Variants in NAALADL2 observed in about 807,000 individuals in gnomAD.
The protein encoded by NAALADL2 is N-acetylated alpha-linked acidic dipeptidase like 2.
Under a neutral mutation model 87.2 loss-of-function variants are expected in NAALADL2, and 76 were observed. That is an observed-to-expected ratio of 0.87 (90% CI 0.72 to 1.05). NAALADL2 has a LOEUF of 1.05. Ranked by LOEUF, NAALADL2 falls within the 50% of genes least tolerant of loss-of-function variation. NAALADL2 has a pLI of 0.00. For synonymous variants in NAALADL2, 354 were observed against 331.0 expected (o/e 1.07, Z -0.75); for missense variants, 1,089 against 945.8 (o/e 1.15, Z -1.99).
At position 174,662,594 on chromosome 3, in the gene NAALADL2, C is replaced by T. The variant is rs1054888934; in HGVS notation, c.-114-75047C>T. Among the ~76,000 whole-genome samples, 6 of 151,188 alleles carry T rather than the reference C, an allele frequency of 4.0e-5. No homozygotes were observed. The South Asian group carries it at 8.3e-4, about 21-fold the overall frequency. ...ACTTGATCAGAGTTAATAAAAGCATCCTTGTTGAAAGAAAAGTTAGGAATA... is the reference window on the plus strand; with the variant it reads ...ACTTGATCAGAGTTAATAAAAGCATTCTTGTTGAAAGAAAAGTTAGGAATA... On this transcript the variant is annotated intron_variant, in intron 2 of 3. Transcript: ENST00000434257.
chr3:175,674,359 G>A (rs1202121582), intron 11 of NAALADL2, among the ~76,000 whole-genome samples: 2 of 151,162 alleles, frequency 1.3e-5, no homozygotes, highest in African/African-American at 2.4e-5. Context: ...TCCCGGGTTC[G>A]CGCCATTCTC....
chr3:175,356,535 A>T (rs1383928031), intron 5 of NAALADL2, among the ~76,000 whole-genome samples: 1 of 150,560 alleles, frequency 6.6e-6, no homozygotes, highest in South Asian at 2.1e-4. Flanking sequence ...TGATCACACC[A>T]CTCTACTCCA....
chr3:175,284,285 T>G (rs1754706836), intron 4 of NAALADL2, among the ~76,000 whole-genome samples: 1 of 151,956 alleles, frequency 6.6e-6, no homozygotes, highest in Non-Finnish European at 1.5e-5. Context: ...GCTGCCTTTC[T>G]TGGTCCTCCT....
chr3:174,818,229 G>A (rs1476110879), intron 3 of NAALADL2, among the ~76,000 whole-genome samples: 1 of 152,130 alleles, frequency 6.6e-6, no homozygotes, highest in Non-Finnish European at 1.5e-5. Context: ...AGGGGGGACA[G>A]GTGCCATTTC....
intron 10 of NAALADL2, among the ~76,000 whole-genome samples, chr3:175,614,038 G>A (rs1338470825): frequency 6.6e-6 from 1 of 152,034 alleles, no homozygotes; most frequent in African/African-American, 2.4e-5. Context: ...TCACAAAGTA[G>A]GCATGCCAGA....
chr3:174,900,906 A>G (rs914718038), intron 1 of NAALADL2, among the ~76,000 whole-genome samples: 35 of 152,050 alleles, frequency 2.3e-4, no homozygotes, highest in Admixed American at 2.3e-3. Context: ...CTTTGTCATG[A>G]CTCTTTAACC....
At chr3:174,876,857 A>G (rs1326817037) in intron 1 of NAALADL2, among the ~76,000 whole-genome samples, 1 of 151,390 alleles carries the variant, frequency 6.6e-6, no homozygotes, top group East Asian at 1.9e-4. Context: ...GGTTTAAACA[A>G]TAGATATTTA....
intron 6 of NAALADL2, among the ~76,000 whole-genome samples, chr3:175,454,253 T>C (rs1444930548): frequency 2.6e-5 from 4 of 152,032 alleles, no homozygotes; most frequent in Non-Finnish European, 4.4e-5. Context: ...TTCCTTGAGG[T>C]TTATTTTTTC....
intron 3 of NAALADL2, among the ~76,000 whole-genome samples, chr3:174,786,426 G>A (rs1480588790): frequency 6.9e-6 from 1 of 145,090 alleles, no homozygotes; most frequent in Admixed American, 7.1e-5. Context: ...ACTCCAGCCT[G>A]GGTGACAGAG....
At chr3:174,985,594 CAGA>C (rs1248734752) in intron 1 of NAALADL2, among the ~76,000 whole-genome samples, 25 of 152,186 alleles carry the variant, frequency 1.6e-4, no homozygotes, top group Non-Finnish European at 3.5e-4. Context: ...ATAATAAAAG[CAGA>C]AGGCCATCAA....
At chr3:175,184,932 A>G (rs1329615051) in intron 2 of NAALADL2, among the ~76,000 whole-genome samples, 1 of 152,074 alleles carries the variant, frequency 6.6e-6, no homozygotes, top group African/African-American at 2.4e-5. Context: ...ATAATAGTTT[A>G]TTGTCATTTA....
intron 11 of NAALADL2, among the ~76,000 whole-genome samples, chr3:175,715,245 A>T (rs892282312): frequency 6.6e-6 from 1 of 152,154 alleles, no homozygotes; most frequent in Non-Finnish European, 1.5e-5. Context: ...ACTGGCTGCT[A>T]CACCATTGTT....
Position 175,625,323 on chromosome 3 carries a change from C to T in NAALADL2, c.1801-1968C>T, listed in dbSNP as rs1042225301. On this transcript the variant is annotated intron_variant, in intron 10 of 13. Transcript: ENST00000454872. ...GTTATTACCTTTTTCCTCTGTCCAG[C>T]GTATTATGAATGTCAGTGCCATTCA... Among the ~76,000 whole-genome samples the T allele has an allele frequency of 5.9e-5, 9 of 151,908 alleles. No individual in the cohort carries two copies. In the South Asian group the frequency reaches 1.7e-3, roughly 28 times the overall value.
chr3:174,882,684 T>C (rs573106466), intron 1 of NAALADL2, among the ~76,000 whole-genome samples: 4 of 137,290 alleles, frequency 2.9e-5, no homozygotes, highest in Non-Finnish European at 4.7e-5. Flanking sequence ...TGTGTATATG[T>C]GTATCCGTGT....
chr3:174,557,086 T>A (rs1179506746), intron 2 of NAALADL2, among the ~76,000 whole-genome samples: 2 of 152,320 alleles, frequency 1.3e-5, no homozygotes, highest in East Asian at 3.9e-4. Context: ...TGACAACATG[T>A]AATTGCTATA....
intron 1 of NAALADL2, among the ~76,000 whole-genome samples, chr3:174,956,166 C>T (rs1028732037): frequency 1.3e-5 from 2 of 151,640 alleles, no homozygotes; most frequent in African/African-American, 4.9e-5. Flanking sequence ...CAGAAGATCA[C>T]AACTGGATAG....
At chr3:175,188,380 C>T (rs1319928409) in intron 2 of NAALADL2, among the ~76,000 whole-genome samples, 1 of 152,122 alleles carries the variant, frequency 6.6e-6, no homozygotes, top group Non-Finnish European at 1.5e-5. Context: ...TGGTATGACA[C>T]CCCACCCCCG....
At chr3:175,393,861 T>C (rs147111477) in intron 5 of NAALADL2, among the ~76,000 whole-genome samples, 294 of 152,336 alleles carry the variant, frequency 1.9e-3, no homozygotes, top group African/African-American at 6.8e-3. Context: ...TTGGTAGCTA[T>C]GTCTTCAACC....
At chr3:175,285,932 A>G (rs1395859998) in intron 4 of NAALADL2, among the ~76,000 whole-genome samples, 1 of 152,184 alleles carries the variant, frequency 6.6e-6, no homozygotes, top group Non-Finnish European at 1.5e-5. Context: ...TATTATCCAG[A>G]ATATACTATG....
Sources: allele counts gnomAD v4.1 joint callset (sites outside exome capture counted in the v4.1 genomes callset), GRCh38; gene constraint gnomAD v4.1.1; transcripts MANE v1.5; gene names NCBI Gene and HGNC (gene_info 2026-07-23, HGNC 2026-07-21).